The following GRIK4 variants were observed in gnomAD, a reference collection of about 807,000 sequenced individuals.
GRIK4 encodes glutamate receptor ionotropic, kainate 4.
In GRIK4, 40 loss-of-function variants were observed where a neutral mutation model predicts 104.9. That is an observed-to-expected ratio of 0.38 (90% CI 0.30 to 0.50). GRIK4 has a LOEUF of 0.50. GRIK4 is among the 20% of genes least tolerant of loss of function. GRIK4 has a pLI of 0.93. For synonymous variants in GRIK4, 485 were observed against 524.9 expected (o/e 0.92, Z 1.04); for missense variants, 1,047 against 1,308.1 (o/e 0.80, Z 3.08).
At chr11:120,648,013 C>T (rs971536009) in intron 1 of GRIK4, among the ~76,000 whole-genome samples, 3 of 152,136 alleles carry the variant, frequency 2.0e-5, no homozygotes, top group African/African-American at 7.2e-5. Context: ...GTACCCACAG[C>T]CTTTTTCCCT....
intron 16 of GRIK4, among the ~76,000 whole-genome samples, chr11:120,958,117 C>T (rs1433996785): frequency 2.6e-5 from 4 of 152,218 alleles, no homozygotes; most frequent in Non-Finnish European, 5.9e-5. Context: ...AGAGGAGCAT[C>T]GGGGGATGTC....
At chr11:120,657,957 A>T (rs1949739991) in intron 2 of GRIK4, among the ~76,000 whole-genome samples, 1 of 152,226 alleles carries the variant, frequency 6.6e-6, no homozygotes, top group Admixed American at 6.5e-5. Flanking sequence ...AGCACTGGGG[A>T]GTCCCCTCGT....
chr11:120,698,228 TA>T (rs1196377281), intron 3 of GRIK4, among the ~76,000 whole-genome samples: 1 of 152,220 alleles, frequency 6.6e-6, no homozygotes, highest in Non-Finnish European at 1.5e-5. Context: ...AAAGGATGAA[TA>T]AAAAGAAAAT....
At chr11:120,852,835 G>C (rs1424326968) in intron 8 of GRIK4, among the ~76,000 whole-genome samples, 1 of 152,134 alleles carries the variant, frequency 6.6e-6, no homozygotes, top group East Asian at 1.9e-4. Flanking sequence ...CCTGCAAAAA[G>C]GCTAAGAGAG....
chr11:120,580,743 G>A lies in GRIK4; in HGVS notation c.-159+68856G>A, dbSNP rs200183695. Among the ~76,000 whole-genome samples, 7 of 152,072 alleles carry A rather than the reference G, an allele frequency of 4.6e-5. No individual in the cohort carries two copies. In the East Asian group the frequency reaches 1.3e-3, roughly 29 times the overall value. Reference sequence around the variant, plus strand: ...GCAACTGCACCCGGTTTTGAGTACAGACATTGATGTGAACCTAAGTTTTCA... The same window carrying A: ...GCAACTGCACCCGGTTTTGAGTACAAACATTGATGTGAACCTAAGTTTTCA... On this transcript the variant is annotated intron_variant, in intron 1 of 20. Transcript: ENST00000527524.
At chr11:120,816,234 C>T (rs1210456846) in intron 5 of GRIK4, among the ~76,000 whole-genome samples, 2 of 152,312 alleles carry the variant, frequency 1.3e-5, no homozygotes, top group East Asian at 3.9e-4. Flanking sequence ...CTGTCTAGTC[C>T]TGGCATCTTT....
intron 10 of GRIK4, 119 bp from the exon 11 acceptor site, chr11:120,875,020 G>T: frequency 1.4e-6 from 1 of 691,876 alleles, no homozygotes; most frequent in Non-Finnish European, 2.6e-6. Context: ...GCAGGAGAAG[G>T]ATCTTAACTG....
At chr11:120,723,108 C>G (rs1950963129) in intron 3 of GRIK4, among the ~76,000 whole-genome samples, 1 of 152,148 alleles carries the variant, frequency 6.6e-6, no homozygotes, top group Admixed American at 6.5e-5. Context: ...TCCCTATTAA[C>G]TCTCAATCTT....
chr11:120,512,184 C>T (rs1034460953), intron 1 of GRIK4, among the ~76,000 whole-genome samples: 11 of 151,850 alleles, frequency 7.2e-5, no homozygotes, highest in African/African-American at 2.7e-4. Context: ...CCCGGTCCGT[C>T]TCCCTCCCTC....
Position 120,644,683 on chromosome 11 carries a change from A to G in GRIK4, c.-158-9002A>G, listed in dbSNP as rs540687963. On this transcript the variant is annotated intron_variant, in intron 1 of 20. Transcript: ENST00000527524. ...GTCCAAGGCTGTGAAGTCACTGCTC[A>G]GGTCACCGGTGAACCTTCCAGTAGA... Among the ~76,000 whole-genome samples, 105 of 152,316 alleles carry G rather than the reference A, an allele frequency of 6.9e-4. 1 individual carries two copies. The highest frequency in any genetic ancestry group is 2.5e-3 in the Admixed American group (38 of 15,294).
At chr11:120,765,808 G>T (rs1167134348) in intron 3 of GRIK4, among the ~76,000 whole-genome samples, 2 of 152,226 alleles carry the variant, frequency 1.3e-5, no homozygotes, top group Non-Finnish European at 2.9e-5. Flanking sequence ...ATTGCTGCCT[G>T]CTCCTTCCTC....
chr11:120,666,858 T>C (rs1423674784), intron 3 of GRIK4, among the ~76,000 whole-genome samples: 3 of 152,242 alleles, frequency 2.0e-5, no homozygotes, highest in Admixed American at 6.5e-5. Flanking sequence ...TTCAAAAGCC[T>C]GTCTCCAGCT....
chr11:120,623,429 G>A (rs886627298), intron 1 of GRIK4, among the ~76,000 whole-genome samples: 11 of 151,920 alleles, frequency 7.2e-5, no homozygotes, highest in Middle Eastern at 3.2e-3. Flanking sequence ...CACCGCACCC[G>A]GCCCCCTGTA....
chr11:120,519,395 T>TA (rs762368325), intron 1 of GRIK4, among the ~76,000 whole-genome samples: 1 of 152,100 alleles, frequency 6.6e-6, no homozygotes, highest in East Asian at 1.9e-4. Flanking sequence ...ATTATGCCCT[T>TA]AAAAAGAGAA....
chr11:120,849,562 A>G lies in GRIK4; in HGVS notation c.745-12397A>G, dbSNP rs536976525. On this transcript the variant is annotated intron_variant, in intron 8 of 20. Coordinates refer to ENST00000527524, the MANE Select transcript of GRIK4 (RefSeq NM_014619.5). ...CGCTGCTGGCTCTTGAGTACCAGCA[A>G]TGTACCAGATGCCATGCCCAGCACC... is the stretch of plus-strand genomic sequence containing the variant. Among the ~76,000 whole-genome samples the G allele has an allele frequency of 2.6e-4, 39 of 152,330 alleles. 1 individual carries two copies. The highest frequency in any genetic ancestry group is 8.3e-4 in the South Asian group (4 of 4,828).
In GRIK4 at chr11:120,734,887, C is replaced by T. The variant is rs181308297; in HGVS notation, c.83-67806C>T. 1.1e-3 allele frequency among the ~76,000 whole-genome samples: 173 copies of T among 152,230 alleles called. 1 individual carries two copies. Among genetic ancestry groups the T allele is most frequent in the African/African-American group, 4.0e-3 (165 of 41,538 alleles). On this transcript the variant is annotated intron_variant, in intron 3 of 20. Transcript: ENST00000527524. ...AAGAACCTAGGCCTGGACTCAGGGA[C>T]CCCAAGAAGTATATAATTCCTGCTT...
intron 3 of GRIK4, among the ~76,000 whole-genome samples, chr11:120,758,429 A>G (rs1951689503): frequency 6.6e-6 from 1 of 152,104 alleles, no homozygotes; most frequent in South Asian, 2.1e-4. Context: ...TGGTTTAGAG[A>G]AAAGTGTGCC....
chr11:120,979,430 A>G (rs1944614790), intron 19 of GRIK4, among the ~76,000 whole-genome samples: 1 of 152,178 alleles, frequency 6.6e-6, no homozygotes, highest in African/African-American at 2.4e-5. Context: ...TGCATTTAAC[A>G]TAAGATCTGG....
At chr11:120,734,072 C>T (rs984302276) in intron 3 of GRIK4, among the ~76,000 whole-genome samples, 4 of 152,118 alleles carry the variant, frequency 2.6e-5, no homozygotes, top group Admixed American at 6.5e-5. Context: ...TAGTTTACAT[C>T]CCACAATTCC....
Sources: gnomAD v4.1 joint callset for allele counts (sites outside exome capture counted in the v4.1 genomes callset) on GRCh38, gnomAD v4.1.1 for gene constraint, MANE v1.5 for transcripts, NCBI Gene and HGNC (gene_info 2026-07-23, HGNC 2026-07-21) for gene names.